NHS: variants seen among roughly 807,000 people sequenced by gnomAD.
The protein encoded by NHS is NHS actin remodeling regulator.
NHS carries 5 observed loss-of-function variants against 72.5 expected under a neutral mutation model. The observed-to-expected ratio is 0.07, with a 90% CI of 0.04 to 0.14. NHS has a LOEUF of 0.14. Ranked by LOEUF, NHS falls within the 10% of genes least tolerant of loss-of-function variation. NHS has a pLI of 1.00. For missense variants in NHS, 1,072 were observed against 1,355.7 expected (o/e 0.79, Z 3.29); for synonymous variants, 464 against 547.7 (o/e 0.85, Z 2.13).
At chrX:17,541,767 AACACACACACAC>A (rs57700886) in intron 1 of NHS, among the ~76,000 whole-genome samples, 25 of 62,917 alleles carry the variant, frequency 4.0e-4, no homozygotes, top group African/African-American at 8.9e-4. Context: ...TGAGTTTGCG[AACACACACACAC>A]ACACACACAC....
intron 1 of NHS, among the ~76,000 whole-genome samples, chrX:17,538,624 G>C (rs1391836877): frequency 2.7e-5 from 3 of 111,583 alleles, no homozygotes; most frequent in Non-Finnish European, 3.8e-5. Context: ...CTCAGGGAGA[G>C]GGTCATAGGT....
At chrX:17,567,947 C>T (rs1233011717) in intron 1 of NHS, among the ~76,000 whole-genome samples, 2 of 111,404 alleles carry the variant, frequency 1.8e-5, no homozygotes, top group African/African-American at 3.3e-5. Flanking sequence ...CTTTTCCCTC[C>T]CCAATTTCAC....
chrX:17,675,626 C>T (rs5955717), intron 1 of NHS, among the ~76,000 whole-genome samples: 27,671 of 111,103 alleles, frequency 0.25, 6,365 homozygotes, highest in African/African-American at 0.72. Context: ...CCTCCCTTGA[C>T]ACCACTGCAC....
intron 8 of NHS, 133 bp downstream of exon 8, chrX:17,728,908 C>A: frequency 1.2e-6 from 1 of 868,766 alleles, no homozygotes; most frequent in Non-Finnish European, 1.7e-6. Context: ...CAAAAGCAAG[C>A]AAAGAATAAT....
At chrX:17,501,557 G>A (rs2065036443) in intron 1 of NHS, among the ~76,000 whole-genome samples, 1 of 111,450 alleles carries the variant, frequency 9.0e-6, no homozygotes, top group Admixed American at 9.5e-5. Flanking sequence ...CAACATGGGG[G>A]AAACCCCATC....
At chrX:17,598,897 A>G (rs2065636878) in intron 1 of NHS, among the ~76,000 whole-genome samples, 1 of 111,285 alleles carries the variant, frequency 9.0e-6, no homozygotes, top group African/African-American at 3.3e-5. Flanking sequence ...CTGGCCCCAG[A>G]AGAGCCCCTT....
At chrX:17,382,441 G>A (rs2064382782) in intron 1 of NHS, among the ~76,000 whole-genome samples, 1 of 111,989 alleles carries the variant, frequency 8.9e-6, no homozygotes, top group Non-Finnish European at 1.9e-5. Flanking sequence ...TATGGTTAGT[G>A]TGTTTTTGTG....
chrX:17,532,439 C>T (rs2065202897), intron 1 of NHS, among the ~76,000 whole-genome samples: 1 of 111,488 alleles, frequency 9.0e-6, no homozygotes, highest in Admixed American at 9.5e-5. Flanking sequence ...GGAGACCTTC[C>T]TAGCAGTAAA....
chrX:17,400,932 A>G (rs2064500389), intron 1 of NHS, among the ~76,000 whole-genome samples: 1 of 111,906 alleles, frequency 8.9e-6, no homozygotes, highest in Admixed American at 9.5e-5. Flanking sequence ...TAGCCAAAAA[A>G]CAGTCTTGAA....
chrX:17,694,922 C>G (rs928255875), intron 3 of NHS, among the ~76,000 whole-genome samples: 2 of 111,770 alleles, frequency 1.8e-5, no homozygotes, highest in Non-Finnish European at 3.8e-5. Context: ...CTCCCAGTCT[C>G]TTTATCTGTA....
At chrX:17,388,660 G>A (rs762853751) in intron 1 of NHS, among the ~76,000 whole-genome samples, 40 of 109,719 alleles carry the variant, frequency 3.6e-4, no homozygotes, top group African/African-American at 1.3e-3. Context: ...GATCACCTAG[G>A]GTCTAGTAGG....
chrX:17,639,294 TCA>T (rs1194551181), intron 1 of NHS, among the ~76,000 whole-genome samples: 6 of 112,289 alleles, frequency 5.3e-5, no homozygotes, highest in African/African-American at 1.9e-4. Flanking sequence ...CATGACTAAG[TCA>T]CAGTTCTGTT....
intron 1 of NHS, among the ~76,000 whole-genome samples, chrX:17,544,146 G>A (rs1246094492): frequency 8.9e-6 from 1 of 112,254 alleles, no homozygotes; most frequent in Non-Finnish European, 1.9e-5. Context: ...CATGTATAAC[G>A]TCATTTAATT....
Position 17,725,717 on chromosome X carries a change from C to T in NHS, c.1611C>T (p.Asp537=). The T allele has an allele frequency of 1.7e-6, 2 of 1,211,230 alleles. No homozygotes were observed. Among genetic ancestry groups the T allele is most frequent in the South Asian group, 1.8e-5 (1 of 56,932 alleles). Residue 537 remains aspartate (D), a synonymous_variant, in exon 7 of 9, where the codon GAC becomes GAT. Transcript: ENST00000676302. ...AAGAGGGAGAGTCTTTTGTGGGTGA[C>T]CATGAAAGAACCCCTAATGATTTCA... ...AYEEGESFVG[D]HERTPNDFSE...
chrX:17,487,906 T>C (rs967134914), intron 1 of NHS, among the ~76,000 whole-genome samples: 2 of 111,778 alleles, frequency 1.8e-5, no homozygotes, highest in African/African-American at 6.5e-5. Context: ...AACCTTGTGC[T>C]TGCTGCTCTC....
At chrX:17,416,817 T>TGA (rs200059679) in intron 1 of NHS, among the ~76,000 whole-genome samples, 5,126 of 103,149 alleles carry the variant, frequency 0.05, 421 homozygotes, top group African/African-American at 0.19. Flanking sequence ...TGTGTGTGTG[T>TGA]GTGAGAGAGA....
intron 1 of NHS, among the ~76,000 whole-genome samples, chrX:17,604,228 T>TCACACA (rs59367930): frequency 0.043 from 3,996 of 92,194 alleles, 253 homozygotes; most frequent in African/African-American, 0.15. Flanking sequence ...TATTAATAGA[T>TCACACA]CACACACACA....
intron 1 of NHS, among the ~76,000 whole-genome samples, chrX:17,475,625 A>G (rs929334574): frequency 1.8e-5 from 2 of 112,042 alleles, no homozygotes; most frequent in African/African-American, 6.5e-5. Context: ...GATGCCCAAC[A>G]GCCTGTGATC....
chrX:17,731,926 C>T lies in NHS; in HGVS notation c.4418C>T (p.Pro1473Leu). The stretch of plus-strand genomic sequence containing the variant: ...TCTGTTCGAAGCAAATCGAGAGCTC[C>T]CCTCAGCAGTAGCAGCAGCAGCGCC... The part of the protein sequence containing the change: ...DMSVRSKSRA[P>L]LSSSSSSASS... The change falls in exon 9 of 9, where the codon CCC (proline) becomes CTC (leucine). Residue 1473 changes from proline (P) to leucine (L), a missense_variant. By Grantham distance (98) the Pro-to-Leu change is moderately conservative (BLOSUM62 -3). Transcript: ENST00000676302. 8.3e-7 allele frequency: 1 copy of T among 1,211,296 alleles called. No individual in the cohort carries two copies. The highest frequency in any genetic ancestry group is 1.1e-6 in the Non-Finnish European group (1 of 895,224).
Sources: allele counts gnomAD v4.1 joint callset (sites outside exome capture counted in the v4.1 genomes callset), GRCh38; gene constraint gnomAD v4.1.1; transcripts MANE v1.5; gene names NCBI Gene and HGNC (gene_info 2026-07-23, HGNC 2026-07-21).